CFTR: variants seen among roughly 807,000 people sequenced by gnomAD.
CFTR encodes the protein CF transmembrane conductance regulator, also known as cystic fibrosis transmembrane conductance regulator.
Under a neutral mutation model 171.6 loss-of-function variants are expected in CFTR, and 181 were observed. The ratio of observed to expected loss-of-function variants is 1.05; its 90% CI spans 0.93 to 1.19. CFTR has a LOEUF of 1.19. Among genes scored for constraint, CFTR ranks in the 50% most tolerant of loss-of-function variants. The pLI, the probability that CFTR is intolerant of heterozygous loss-of-function variation, is 0.00. For synonymous variants in CFTR, 583 were observed against 608.0 expected (o/e 0.96, Z 0.60); for missense variants, 1,968 against 1,734.7 (o/e 1.13, Z -2.39).
At chr7:117,571,356 GT>G (rs1791684358) in intron 11 of CFTR, among the ~76,000 whole-genome samples, 1 of 152,122 alleles carries the variant, frequency 6.6e-6, no homozygotes, top group Admixed American at 6.6e-5. Context: ...TGAGAAAAGA[GT>G]TTTTTTCACG....
intron 15 of CFTR, 95 bp downstream of exon 15, chr7:117,595,153 A>ATACATGTG: frequency 1.1e-6 from 1 of 951,350 alleles, no homozygotes; most frequent in Non-Finnish European, 1.7e-6. Context: ...ATAAATATGT[A>ATACATGTG]TATATACACA....
rs1162458958 is a variant in CFTR at position 117,612,058 on chromosome 7, T to TAAA, written c.3367+251_3367+252insAAA. ...ATATATATATATATATATATACATA[T>TAAA]ATATATATAGTATTATCCCTGTTTT... On this transcript the variant is annotated intron_variant, in intron 20 of 26. Transcript: ENST00000003084. Among the ~76,000 whole-genome samples the TAAA allele has an allele frequency of 5.7e-4, 56 of 97,648 alleles. 1 individual carries two copies. Among genetic ancestry groups the TAAA allele is most frequent in the Non-Finnish European group, 1.0e-3 (47 of 45,614 alleles). 64.1% of individuals were successfully genotyped at this position (97,648 alleles called of 152,430 possible).
At position 117,667,159 on chromosome 7, in the gene CFTR, G is replaced by A. The variant is rs372463411; in HGVS notation, c.*51G>A. 35 of 1,514,112 alleles carry A rather than the reference G, an allele frequency of 2.3e-5. No homozygotes were observed. The highest frequency in any genetic ancestry group is 4.1e-5 in the African/African-American group (3 of 72,690). The allele number at this position is 1,514,112 out of a possible 1,614,324, so 93.8% of individuals were successfully genotyped here. ...ACATTTGCTCATGGAATTGGAGCTC[G>A]TGGGACAGTCACCTCATGGAATTGG... On this transcript the variant is annotated 3_prime_UTR_variant, in exon 27 of 27. Coordinates refer to ENST00000003084, the MANE Select transcript of CFTR (RefSeq NM_000492.4).
At chr7:117,533,062 G>T (rs767440415) in intron 4 of CFTR, among the ~76,000 whole-genome samples, 1 of 152,010 alleles carries the variant, frequency 6.6e-6, no homozygotes, top group South Asian at 2.1e-4. Context: ...CTTGAGCTTT[G>T]CCTATACTTT....
At chr7:117,659,916 A>G (rs995086141) in intron 24 of CFTR, among the ~76,000 whole-genome samples, 1 of 152,280 alleles carries the variant, frequency 6.6e-6, no homozygotes, top group South Asian at 2.1e-4. Flanking sequence ...ATTCACTTTT[A>G]TGATTTTTTT....
At chr7:117,621,035 G>A (rs35380228) in intron 21 of CFTR, among the ~76,000 whole-genome samples, 7,160 of 152,240 alleles carry the variant, frequency 0.047, 567 homozygotes, top group African/African-American at 0.16. Context: ...CCGGGAGATG[G>A]AGGTTGCAGG....
chr7:117,634,610 A>G (rs1158400500), intron 22 of CFTR, among the ~76,000 whole-genome samples: 3 of 151,868 alleles, frequency 2.0e-5, no homozygotes. Context: ...CCCTCTAAGC[A>G]CTGCTTTTTC....
At chr7:117,572,089 C>T (rs1343070602) in intron 11 of CFTR, among the ~76,000 whole-genome samples, 2 of 152,102 alleles carry the variant, frequency 1.3e-5, no homozygotes, top group Admixed American at 6.5e-5. Flanking sequence ...CCAACCTCTG[C>T]CTCCCGGGTT....
intron 16 of CFTR, among the ~76,000 whole-genome samples, chr7:117,603,213 G>A (rs1018604723): frequency 6.6e-6 from 1 of 152,180 alleles, no homozygotes; most frequent in Non-Finnish European, 1.5e-5. Context: ...TTGTGAGCAT[G>A]TGCAGCTCCT....
chr7:117,510,403 T>C (rs2116643661), intron 3 of CFTR, among the ~76,000 whole-genome samples: 1 of 152,346 alleles, frequency 6.6e-6, no homozygotes, highest in East Asian at 1.9e-4. Flanking sequence ...CAGTTCACTC[T>C]GATCCTATCA....
intron 1 of CFTR, among the ~76,000 whole-genome samples, chr7:117,491,645 T>A (rs1311044388): frequency 6.6e-6 from 1 of 151,992 alleles, no homozygotes; most frequent in Non-Finnish European, 1.5e-5. Context: ...CACATGGCAT[T>A]CTCCCTGTGA....
rs1797981426 is a variant in CFTR at position 117,480,264 on chromosome 7, T to C, written c.53+117T>C. ...CAGTTTTTAAAAAGATGCGCTATCA[T>C]TCATTGTTTTGAAAGAAAATGTGGG... On this transcript the variant is annotated intron_variant, in intron 1 of 26. Transcript: ENST00000003084. 4.5e-6 allele frequency: 4 copies of C among 897,102 alleles called. No individual in the cohort carries two copies. The Admixed American group carries it at 7.1e-5, about 16-fold the overall frequency. The allele number at this position is 897,102 out of a possible 1,614,324, so 55.6% of individuals were successfully genotyped here.
chr7:117,500,224 C>T (rs1219955866), intron 1 of CFTR, among the ~76,000 whole-genome samples: 2 of 149,452 alleles, frequency 1.3e-5, no homozygotes, highest in Non-Finnish European at 3.0e-5. Context: ...ATTTCTAAGA[C>T]TGGCTTGAGG....
intron 4 of CFTR, among the ~76,000 whole-genome samples, chr7:117,531,797 A>C (rs1209584179): frequency 6.6e-6 from 1 of 152,172 alleles, no homozygotes; most frequent in Non-Finnish European, 1.5e-5. Context: ...CATCATCCTG[A>C]TTCACTACCA....
At chr7:117,665,622 C>A in intron 26 of CFTR, 58 bp downstream of exon 26, 5 of 1,074,142 alleles carry the variant, frequency 4.7e-6, no homozygotes, top group Middle Eastern at 2.0e-4. Flanking sequence ...TGATAACAAT[C>A]TCACATGTGA....
intron 11 of CFTR, among the ~76,000 whole-genome samples, chr7:117,570,819 G>A (rs1002335245): frequency 2.0e-5 from 3 of 152,138 alleles, no homozygotes; most frequent in African/African-American, 7.2e-5. Context: ...TATTTGTAAA[G>A]GAGATTATGA....
intron 20 of CFTR, among the ~76,000 whole-genome samples, chr7:117,614,396 C>T (rs1792451457): frequency 6.6e-6 from 1 of 152,102 alleles, no homozygotes; most frequent in Non-Finnish European, 1.5e-5. Context: ...TATTCAATCG[C>T]TCTTTGATTT....
intron 11 of CFTR, among the ~76,000 whole-genome samples, chr7:117,572,405 T>C (rs1343965490): frequency 6.6e-6 from 1 of 152,214 alleles, no homozygotes; most frequent in African/African-American, 2.4e-5. Flanking sequence ...GTAATCATGT[T>C]TGACTTAGGT....
intron 2 of CFTR, 55 bp from the exon 3 acceptor site, chr7:117,508,979 C>A: frequency 9.4e-7 from 1 of 1,060,684 alleles, no homozygotes; most frequent in South Asian, 1.2e-5. Context: ...GGAAATAGGA[C>A]AACTAAAATA....
Sources: allele counts gnomAD v4.1 joint callset (sites outside exome capture counted in the v4.1 genomes callset), GRCh38; gene constraint gnomAD v4.1.1; transcripts MANE v1.5; gene names NCBI Gene and HGNC (gene_info 2026-07-23, HGNC 2026-07-21).